Variants in CHST7 observed in about 807,000 individuals in gnomAD.
CHST7 encodes N-acetylglucosamine 6-O-sulfotransferase 4.
A neutral mutation model predicts 9.0 loss-of-function variants in CHST7; 5 were observed. The observed-to-expected ratio is 0.56, with a 90% confidence interval of 0.29 to 1.17. The LOEUF is 1.17. Among genes scored for constraint, CHST7 ranks in the 50% most tolerant of loss-of-function variants. The pLI is 0.08. For missense variants in CHST7, 377 were observed against 485.1 expected (o/e 0.78, Z 2.09); for synonymous variants, 244 against 237.1 (o/e 1.03, Z -0.27).
chrX:46,574,839 G>T lies in CHST7; in HGVS notation c.908G>T (p.Arg303Leu). ...GLLRESIQVL[R>L]TRQRGDRFHR... is the part of the protein sequence containing the mutation. Reference sequence around the variant, plus strand: ...CTGCGCGAGAGCATCCAGGTGCTGCGCACCCGCCAGAGGGGCGACCGCTTC... The same window carrying T: ...CTGCGCGAGAGCATCCAGGTGCTGCTCACCCGCCAGAGGGGCGACCGCTTC... The change falls in exon 1 of 2, where the codon CGC (arginine) becomes CTC (leucine). Residue 303 changes from arginine to leucine, a missense_variant. Transcript: ENST00000276055. The T allele has an allele frequency of 8.5e-7, 1 of 1,183,146 alleles. No individual in the cohort carries two copies. Among genetic ancestry groups the T allele is most frequent in the Non-Finnish European group, 1.1e-6 (1 of 881,913 alleles).
chrX:46,587,816 C>T (rs751338202), intron 1 of CHST7, among the ~76,000 whole-genome samples: 55 of 112,089 alleles, frequency 4.9e-4, no homozygotes, highest in Admixed American at 7.6e-4. Flanking sequence ...GAAAGCTTAA[C>T]CTGGGTTAAC....
intron 1 of CHST7, among the ~76,000 whole-genome samples, chrX:46,579,345 T>C (rs2146637386): frequency 8.9e-6 from 1 of 112,231 alleles, no homozygotes; most frequent in East Asian, 2.8e-4. Context: ...TATCTAATAA[T>C]CCATCATTGT....
chrX:46,577,044 G>A (rs1440056836), intron 1 of CHST7, among the ~76,000 whole-genome samples: 2 of 110,161 alleles, frequency 1.8e-5, no homozygotes. Flanking sequence ...TTCTTCACAG[G>A]CCTGAGGGAA....
intron 1 of CHST7, among the ~76,000 whole-genome samples, chrX:46,580,138 A>G (rs1290422418): frequency 1.9e-5 from 2 of 104,783 alleles, no homozygotes; most frequent in Non-Finnish European, 3.9e-5. Context: ...GCTCACTGCA[A>G]CCTCTGCCTC....
At chrX:46,577,370 C>T (rs1435283624) in intron 1 of CHST7, among the ~76,000 whole-genome samples, 2 of 110,750 alleles carry the variant, frequency 1.8e-5, no homozygotes, top group South Asian at 3.8e-4. Flanking sequence ...ACTTTAGTGA[C>T]TGAGTCCTTC....
intron 1 of CHST7, 127 bp from the exon 2 acceptor site, chrX:46,597,633 C>T (rs1046440126): frequency 5.3e-5 from 6 of 112,544 alleles, no homozygotes; most frequent in African/African-American, 1.6e-4. Flanking sequence ...GATACTGATT[C>T]GGTATGGGTT....
At position 46,574,675 on chromosome X, in the gene CHST7, C is replaced by G. The variant is rs750391262; in HGVS notation, c.744C>G (p.Val248=). The change falls in exon 1 of 2, where the codon GTC becomes GTG. Residue 248 remains valine (V), a synonymous_variant. Coordinates refer to ENST00000276055, the MANE Select transcript of CHST7 (RefSeq NM_019886.4). ...AGTGCCGAAAGTACCCGGTGGTGGT[C>G]ATCAAGGACGTGCGCCTGCTCGATC... ...EAECRKYPVV[V]IKDVRLLDLG... 2.5e-6 allele frequency: 3 copies of G among 1,209,451 alleles called. No homozygotes were observed. The East Asian group carries it at 8.9e-5, about 36-fold the overall frequency.
At chrX:46,590,196 G>A (rs1057296700) in intron 1 of CHST7, among the ~76,000 whole-genome samples, 7 of 111,437 alleles carry the variant, frequency 6.3e-5, no homozygotes, top group South Asian at 7.4e-4. Flanking sequence ...GTTTGTTTCC[G>A]GTCTTTAAAG....
At chrX:46,587,164 A>G (rs1041007933) in intron 1 of CHST7, among the ~76,000 whole-genome samples, 2 of 111,445 alleles carry the variant, frequency 1.8e-5, no homozygotes, top group African/African-American at 6.5e-5. Flanking sequence ...CTATTCTAGA[A>G]TAAGAGGAAA....
chrX:46,581,600 GA>G (rs1387216411), intron 1 of CHST7, among the ~76,000 whole-genome samples: 1 of 54,974 alleles, frequency 1.8e-5, no homozygotes, highest in East Asian at 7.5e-4. Flanking sequence ...GGTAAAAATA[GA>G]AATTTTTTTT....
chrX:46,587,363 T>C (rs1170608021), intron 1 of CHST7, among the ~76,000 whole-genome samples: 3 of 110,823 alleles, frequency 2.7e-5, no homozygotes, highest in African/African-American at 9.9e-5. Flanking sequence ...GAGTTTTGTC[T>C]TTTTGTTTTT....
Position 46,573,973 on chromosome X carries a change from C to G in CHST7, c.42C>G (p.Phe14Leu). The G allele has an allele frequency of 8.6e-7, 1 of 1,156,266 alleles. No homozygotes were observed. The highest frequency in any genetic ancestry group is 1.1e-6 in the Non-Finnish European group (1 of 873,209). The change falls in exon 1 of 2, where the codon TTC (phenylalanine) becomes TTG (leucine). Residue 14 changes from phenylalanine (F) to leucine (L), a missense_variant. Around this residue, in one of 3 missense-constraint regions of CHST7, gnomAD observed 239 missense variants for 325.7 expected, o/e 0.73. Transcript: ENST00000276055. ...RRRRRREYCK[F>L]ALLLVLYTLV... ...GGCGACGCCGAGAGTACTGCAAGTT[C>G]GCGCTGCTGTTGGTGCTGTACACGC...
At chrX:46,575,710 G>T (rs1942496434) in intron 1 of CHST7, among the ~76,000 whole-genome samples, 1 of 112,361 alleles carries the variant, frequency 8.9e-6, no homozygotes, top group African/African-American at 3.2e-5. Context: ...TATGAAGTAG[G>T]AGGTTTCAGA....
chrX:46,590,947 C>T (rs1942570480), intron 1 of CHST7, among the ~76,000 whole-genome samples: 1 of 112,083 alleles, frequency 8.9e-6, no homozygotes, highest in Non-Finnish European at 1.9e-5. Context: ...TAATATGTAA[C>T]CTTTTGAGAT....
intron 1 of CHST7, among the ~76,000 whole-genome samples, chrX:46,590,948 C>T (rs1440551201): frequency 8.9e-6 from 1 of 112,016 alleles, no homozygotes; most frequent in African/African-American, 3.3e-5. Flanking sequence ...AATATGTAAC[C>T]TTTTGAGATT....
At chrX:46,592,761 A>G (rs762881529) in intron 1 of CHST7, among the ~76,000 whole-genome samples, 1 of 104,673 alleles carries the variant, frequency 9.6e-6, no homozygotes, top group South Asian at 4.1e-4. Flanking sequence ...TTTTATCTTA[A>G]TTATTTCCTT....
chrX:46,575,451 C>G, intron 1 of CHST7, 28 bp downstream of exon 1: 1 of 996,005 alleles, frequency 1.0e-6, no homozygotes, highest in Non-Finnish European at 1.3e-6. Context: ...AAGGCAGGGA[C>G]CGGGACTGGT....
chrX:46,573,895 G>A lies in CHST7; in HGVS notation c.-37G>A. The A allele has an allele frequency of 8.7e-7, 1 of 1,154,415 alleles. No homozygotes were observed. Among genetic ancestry groups the A allele is most frequent in the Non-Finnish European group, 1.1e-6 (1 of 872,263 alleles). ...ACGGGATTTCTGAGGAACGGGAGAA[G>A]ACTGGCGCCCGACCCGCTCTGGAGG... is the stretch of plus-strand genomic sequence containing the variant. On this transcript the variant is annotated 5_prime_UTR_variant, in exon 1 of 2. Transcript: ENST00000276055.
chrX:46,591,960 A>G (rs1264800526), intron 1 of CHST7, among the ~76,000 whole-genome samples: 2 of 111,010 alleles, frequency 1.8e-5, no homozygotes, highest in African/African-American at 6.6e-5. Context: ...GAGTGAGAAC[A>G]TTTGCTGTTT....
Sources: allele counts gnomAD v4.1 joint callset (sites outside exome capture counted in the v4.1 genomes callset), GRCh38; gene constraint gnomAD v4.1.1; regional missense constraint gnomAD v4.1.1; transcripts MANE v1.5; gene names NCBI Gene and HGNC (gene_info 2026-07-23, HGNC 2026-07-21).